IL17REL: variants seen among roughly 807,000 people sequenced by gnomAD.
IL17REL encodes the protein interleukin 17 receptor E like, also known as interleukin-17 receptor E-like protein.
Under a neutral mutation model 49.0 loss-of-function variants are expected in IL17REL, and 36 were observed. The ratio of observed to expected loss-of-function variants is 0.73; its 90% CI spans 0.56 to 0.97. The LOEUF is 0.97. Ranked by LOEUF, IL17REL falls within the 50% of genes least tolerant of loss-of-function variation. IL17REL has a pLI of 0.00. For synonymous variants in IL17REL, 206 were observed against 192.4 expected (o/e 1.07, Z -0.58); for missense variants, 470 against 453.9 (o/e 1.04, Z -0.32).
At position 49,999,891 on chromosome 22, in the gene IL17REL, G is replaced by A. The variant is rs533562070; in HGVS notation, c.411C>T (p.Pro137=). The change falls in exon 5 of 13, where the codon CCC becomes CCT. Residue 137 remains proline, a synonymous_variant. Coordinates refer to ENST00000341280, the Ensembl canonical transcript of IL17REL. ...TGAGGCAGAGCCGCAGGTAGTAGTCGGGGCTCCCGGAGGCCCTGGGCACTT... is the reference window on the plus strand; with the variant it reads ...TGAGGCAGAGCCGCAGGTAGTAGTCAGGGCTCCCGGAGGCCCTGGGCACTT... 7 of 1,542,286 alleles carry A rather than the reference G, an allele frequency of 4.5e-6. No homozygotes were observed. In the Admixed American group the frequency reaches 1.2e-4, roughly 26 times the overall value.
chr22:49,998,335 G>A, intron 7 of IL17REL, 26 bp from the exon 10 acceptor site: 4 of 1,575,878 alleles, frequency 2.5e-6, no homozygotes, highest in Non-Finnish European at 3.4e-6. Context: ...CCGAAACACA[G>A]GTCAGTTGGG....
rs780856303 is a variant in IL17REL, at chr22:50,000,739, C to T, written c.219+15G>A. On this transcript the variant is annotated intron_variant, in intron 3 of 12. Transcript: ENST00000341280. The stretch of plus-strand genomic sequence containing the variant: ...TCTTCGGGACTTGGGTGGCAGAGCC[C>T]TGCCTTGGCCTCACCTGCTGCCCCC... The T allele has an allele frequency of 1.9e-6, 3 of 1,571,016 alleles. No individual in the cohort carries two copies. The highest frequency in any genetic ancestry group is 1.2e-5 in the South Asian group (1 of 86,450).
upstream of IL17REL, among the ~76,000 whole-genome samples, chr22:50,011,050 T>TC (rs1161519579): frequency 6.8e-6 from 1 of 148,146 alleles, no homozygotes; most frequent in Non-Finnish European, 1.5e-5. Flanking sequence ...CTCCCTGGCT[T>TC]CCCCCCGCGG....
intron 4 of IL17REL, 40 bp from the exon 7 acceptor site, chr22:50,000,007 G>C (rs1164571642): frequency 6.9e-7 from 1 of 1,445,332 alleles, no homozygotes; most frequent in Non-Finnish European, 9.2e-7. Context: ...TGGGACCAGC[G>C]GTCACCGACG....
chr22:49,997,560 G>T (rs969864537), intron 10 of IL17REL, 77 bp from the exon 13 acceptor site: 1 of 1,336,924 alleles, frequency 7.5e-7, no homozygotes. Flanking sequence ...TGGGCCTGGC[G>T]CCTGCCCACT....
At chr22:49,993,911 G>A (rs547527238), downstream of IL17REL, among the ~76,000 whole-genome samples, 4 of 152,244 alleles carry the variant, frequency 2.6e-5, no homozygotes, top group African/African-American at 4.8e-5. This position sits in a 1 kb window ranked among gnomAD's most constrained non-coding sequence, Gnocchi z 6.0. Flanking sequence ...CTGCTGAGCC[G>A]GGACACTTGT....
chr22:50,000,046 A>G, intron 4 of IL17REL, 79 bp from the exon 7 acceptor site: 1 of 1,367,390 alleles, frequency 7.3e-7, no homozygotes, highest in Non-Finnish European at 9.5e-7. Context: ...GAGAGCCCCG[A>G]CGTGGTGGCT....
At chr22:50,011,833 G>A (rs988644646), upstream of IL17REL, among the ~76,000 whole-genome samples, 9 of 152,188 alleles carry the variant, frequency 5.9e-5, no homozygotes, top group Admixed American at 3.3e-4. Context: ...GGATGTCCCC[G>A]CAAGTGTCCC....
At chr22:50,011,919 C>A (rs546727177), upstream of IL17REL, among the ~76,000 whole-genome samples, 1 of 152,366 alleles carries the variant, frequency 6.6e-6, no homozygotes, top group Non-Finnish European at 1.5e-5. Flanking sequence ...GTGCACCCAG[C>A]AGGTCCTCAG....
At chr22:50,010,813 CG>C (rs1403076208), upstream of IL17REL, among the ~76,000 whole-genome samples, 9 of 2,656 alleles carry the variant, frequency 3.4e-3, no homozygotes, top group African/African-American at 0.017. Context: ...GTGGGGGGAG[CG>C]GGGGCGGGGG....
intron 5 of IL17REL, 129 bp from the exon 8 acceptor site, chr22:49,999,631 C>T (rs1601887045): frequency 3.4e-6 from 1 of 295,700 alleles, no homozygotes; most frequent in Non-Finnish European, 6.0e-6. Flanking sequence ...TGGCCGGGGG[C>T]GGGGCGCGGA....
chr22:49,999,879 C>G (rs2061067355), exon 5 of IL17REL: 2 of 1,545,050 alleles, frequency 1.3e-6, no homozygotes, highest in East Asian at 2.5e-5. Context: ...GGCAGAGCCG[C>G]AGGTAGTAGT....
At chr22:49,997,857 T>TCCTCCTTAGGCCCTTAGCTCA in intron 9 of IL17REL, 115 bp from the exon 12 acceptor site, 1 of 1,374,234 alleles carries the variant, frequency 7.3e-7, no homozygotes, top group Non-Finnish European at 1.0e-6. Context: ...GGCCCAGTTC[T>TCCTCCTTAGGCCCTTAGCTCA]CCTCCTTAGG....
At position 49,999,277 on chromosome 22, in the gene IL17REL, C is replaced by T. The variant is rs771398857; in HGVS notation, c.601+14G>A. ...TTCCCACCCTTCCGCCCGTTGGCAT[C>T]GCAGGACACTTGCCGTTTTCAAAGG... On this transcript the variant is annotated intron_variant, in intron 7 of 12. Coordinates refer to ENST00000341280, the Ensembl canonical transcript of IL17REL. 2.5e-6 allele frequency: 4 copies of T among 1,612,840 alleles called. No individual in the cohort carries two copies. The highest frequency in any genetic ancestry group is 1.1e-5 in the South Asian group (1 of 91,090).
chr22:50,007,743 G>A (rs1456037707), intron 1 of IL17REL, among the ~76,000 whole-genome samples: 4 of 152,040 alleles, frequency 2.6e-5, no homozygotes, highest in Non-Finnish European at 4.4e-5. Context: ...TCATCCTTGC[G>A]CAGGGGCCAA....
intron 11 of IL17REL, 123 bp from the exon 14 acceptor site, chr22:49,997,197 G>A: frequency 7.2e-7 from 1 of 1,387,168 alleles, no homozygotes; most frequent in Admixed American, 2.1e-5. Context: ...CTCCCTGCCA[G>A]GTAGACTAGA....
intron 1 of IL17REL, among the ~76,000 whole-genome samples, chr22:50,002,430 A>G (rs896137474): frequency 1.3e-5 from 2 of 152,092 alleles, no homozygotes; most frequent in Non-Finnish European, 2.9e-5. Flanking sequence ...CTGTGCCTCA[A>G]AGGGGCACTG....
chr22:50,000,347 G>A, intron 4 of IL17REL, 107 bp from the exon 6 acceptor site: 1 of 730,172 alleles, frequency 1.4e-6, no homozygotes, highest in Non-Finnish European at 2.3e-6. Context: ...ATGCGACCTC[G>A]AATTAAGCCA....
exon 10 of IL17REL, chr22:49,997,685 T>A: frequency 2.5e-6 from 4 of 1,613,736 alleles, no homozygotes; most frequent in Non-Finnish European, 1.7e-6. Context: ...GAGAACTTAC[T>A]TGGGAAGCGA....
Sources: allele counts gnomAD v4.1 joint callset (sites outside exome capture counted in the v4.1 genomes callset), GRCh38; gene constraint gnomAD v4.1.1; non-coding constraint Gnocchi (gnomAD v3.1); transcripts MANE v1.5; gene names NCBI Gene and HGNC (gene_info 2026-07-23, HGNC 2026-07-21).